Variants in ZNF618 observed in about 807,000 individuals in gnomAD.
ZNF618 encodes zinc finger protein 618, also known as neural precursor cell expressed, developmentally down-regulated 10.
In ZNF618, 34 loss-of-function variants were observed where a neutral mutation model predicts 103.0. That is an observed-to-expected ratio of 0.33 (90% CI 0.25 to 0.44). ZNF618 has a LOEUF of 0.44. Among genes scored for constraint, ZNF618 ranks in the 20% least tolerant of loss-of-function variants. The pLI is 1.00. For missense variants in ZNF618, 1,059 were observed against 1,295.4 expected (o/e 0.82, Z 2.80); for synonymous variants, 551 against 542.2 (o/e 1.02, Z -0.23).
Position 114,016,750 on chromosome 9 carries a change from C to T in ZNF618, c.810C>T (p.Pro270=). The T allele has an allele frequency of 1.2e-6, 2 of 1,613,714 alleles. No individual in the cohort carries two copies. The highest frequency in any genetic ancestry group is 1.7e-6 in the Non-Finnish European group (2 of 1,179,784). Residue 270 remains proline (P), a synonymous_variant, in exon 10 of 15, where the codon CCC becomes CCT. Coordinates refer to ENST00000374126, the MANE Select transcript of ZNF618 (RefSeq NM_001318042.2). ...FCGKQYKYYT[P]YQEHVALHAP... ...GCAAACAGTACAAGTACTACACTCCCTACCAGGAGCATGTGGCCTTACACG... is the reference window on the plus strand; with the variant it reads ...GCAAACAGTACAAGTACTACACTCCTTACCAGGAGCATGTGGCCTTACACG...
chr9:113,899,791 T>C (rs1412404687), intron 1 of ZNF618, among the ~76,000 whole-genome samples: 1 of 152,232 alleles, frequency 6.6e-6, no homozygotes. Flanking sequence ...ATCTGTGTTG[T>C]AGCACATGGC....
chr9:114,034,418 G>C (rs564221614), intron 12 of ZNF618, among the ~76,000 whole-genome samples: 1 of 152,194 alleles, frequency 6.6e-6, no homozygotes, highest in Admixed American at 6.5e-5. Flanking sequence ...AATCGGGAAC[G>C]ATAGCGCAAG....
intron 13 of ZNF618, among the ~76,000 whole-genome samples, chr9:114,041,193 A>G (rs1056614071): frequency 1.3e-5 from 2 of 151,784 alleles, no homozygotes; most frequent in Non-Finnish European, 2.9e-5. Flanking sequence ...TTTTCTTGTA[A>G]GTTTGTTTGA....
chr9:113,908,791 A>G (rs903207619), intron 1 of ZNF618, among the ~76,000 whole-genome samples: 3 of 152,000 alleles, frequency 2.0e-5, no homozygotes, highest in Non-Finnish European at 4.4e-5. Context: ...CATAATAAGG[A>G]TGGAATGTCA....
intron 1 of ZNF618, among the ~76,000 whole-genome samples, chr9:113,881,437 T>C (rs571422380): frequency 6.6e-6 from 1 of 152,318 alleles, no homozygotes; most frequent in East Asian, 1.9e-4. Context: ...GTGCCATTGA[T>C]TTTAACATAT....
At chr9:113,879,178 G>T (rs142051436) in intron 1 of ZNF618, among the ~76,000 whole-genome samples, 1 of 151,762 alleles carries the variant, frequency 6.6e-6, no homozygotes, top group Non-Finnish European at 1.5e-5. Flanking sequence ...AGGGGTGGAG[G>T]GGGGTAGGGG....
chr9:113,989,390 G>A (rs1839807573), intron 3 of ZNF618, among the ~76,000 whole-genome samples: 1 of 152,206 alleles, frequency 6.6e-6, no homozygotes, highest in African/African-American at 2.4e-5. Flanking sequence ...AATTCTTTTG[G>A]CTTTAAATGT....
intron 1 of ZNF618, among the ~76,000 whole-genome samples, chr9:113,960,413 G>T (rs10982017): frequency 0.52 from 79,658 of 152,104 alleles, 21,373 homozygotes; most frequent in East Asian, 0.69. Context: ...TGATGTCAAA[G>T]ACAACGATGA....
chr9:113,924,406 CT>C (rs1832893162), intron 1 of ZNF618, among the ~76,000 whole-genome samples: 2 of 141,696 alleles, frequency 1.4e-5, no homozygotes, highest in Non-Finnish European at 3.0e-5. Flanking sequence ...GTGTCTTCTT[CT>C]TCTTCTTCTT....
chr9:114,025,617 T>A (rs750777062), intron 10 of ZNF618, among the ~76,000 whole-genome samples: 18 of 152,172 alleles, frequency 1.2e-4, no homozygotes, highest in Non-Finnish European at 1.9e-4. Flanking sequence ...AGCACACTGT[T>A]AAGTAGAATG....
intron 1 of ZNF618, among the ~76,000 whole-genome samples, chr9:113,960,233 A>G (rs1415003909): frequency 1.3e-5 from 2 of 152,152 alleles, no homozygotes; most frequent in African/African-American, 4.8e-5. Flanking sequence ...AACCGCCATC[A>G]TCTCTTCCCT....
At chr9:113,959,800 C>T (rs763825350) in intron 1 of ZNF618, among the ~76,000 whole-genome samples, 3 of 152,052 alleles carry the variant, frequency 2.0e-5, no homozygotes, top group Non-Finnish European at 2.9e-5. Context: ...GTAGAGACAG[C>T]GTTTCGCCAT....
At chr9:113,920,547 G>A (rs576417026) in intron 1 of ZNF618, among the ~76,000 whole-genome samples, 20 of 151,900 alleles carry the variant, frequency 1.3e-4, no homozygotes, top group African/African-American at 3.6e-4. Flanking sequence ...GATTACAGGC[G>A]CCCGCCACCA....
chr9:113,878,665 A>G (rs764254538), intron 1 of ZNF618, among the ~76,000 whole-genome samples: 2 of 152,162 alleles, frequency 1.3e-5, no homozygotes, highest in Non-Finnish European at 2.9e-5. Flanking sequence ...CAAAAACAGC[A>G]TATTGTTAGG....
At chr9:113,962,606 C>T (rs1160436828) in intron 1 of ZNF618, among the ~76,000 whole-genome samples, 1 of 152,188 alleles carries the variant, frequency 6.6e-6, no homozygotes, top group East Asian at 1.9e-4. Context: ...GTTTGCCAAG[C>T]ACACCAGGCA....
At chr9:113,927,813 C>T (rs983288192) in intron 1 of ZNF618, among the ~76,000 whole-genome samples, 3 of 152,200 alleles carry the variant, frequency 2.0e-5, no homozygotes, top group Admixed American at 6.5e-5. Context: ...TGTCCCTACC[C>T]CACCATGAGG....
chr9:114,011,308 T>C (rs958269189), intron 9 of ZNF618, among the ~76,000 whole-genome samples: 5 of 152,252 alleles, frequency 3.3e-5, no homozygotes, highest in Non-Finnish European at 7.3e-5. Flanking sequence ...AAATAAGTGG[T>C]ACCTTTAATT....
intron 9 of ZNF618, among the ~76,000 whole-genome samples, chr9:114,009,395 C>T (rs936191593): frequency 6.6e-6 from 1 of 152,170 alleles, no homozygotes; most frequent in African/African-American, 2.4e-5. Context: ...GCAGCATCCT[C>T]AGGAGAATGA....
At chr9:113,992,194 G>A (rs115151911) in intron 3 of ZNF618, among the ~76,000 whole-genome samples, 4 of 152,282 alleles carry the variant, frequency 2.6e-5, no homozygotes, top group African/African-American at 9.6e-5. Flanking sequence ...ATGATTGATT[G>A]TTGGTGTCTG....
Sources: gnomAD v4.1 joint callset for allele counts (sites outside exome capture counted in the v4.1 genomes callset) on GRCh38, gnomAD v4.1.1 for gene constraint, MANE v1.5 for transcripts, NCBI Gene and HGNC (gene_info 2026-07-23, HGNC 2026-07-21) for gene names.